Variants in UBAC2 observed in about 807,000 individuals in gnomAD.
The protein encoded by UBAC2 is ubiquitin-associated domain-containing protein 2.
UBAC2 carries 26 observed loss-of-function variants against 44.0 expected under a neutral mutation model. The observed-to-expected ratio is 0.59, with a 90% CI of 0.43 to 0.82. The LOEUF (loss-of-function observed/expected upper bound fraction) is 0.82. Ranked by LOEUF, UBAC2 falls within the 40% of genes least tolerant of loss-of-function variation. The pLI, the probability that UBAC2 is intolerant of heterozygous loss-of-function variation, is 0.00. For missense variants in UBAC2, 329 were observed against 419.4 expected (o/e 0.78, Z 1.88); for synonymous variants, 155 against 154.3 (o/e 1.00, Z -0.04).
At chr13:99,370,029 GA>G (rs34326221) in intron 8 of UBAC2, among the ~76,000 whole-genome samples, 19,816 of 152,238 alleles carry the variant, frequency 0.13, 1,666 homozygotes, top group Non-Finnish European at 0.19. Context: ...TTGTACTGGA[GA>G]AAAAATGTCT....
At chr13:99,331,747 G>A (rs762629726) in intron 6 of UBAC2, among the ~76,000 whole-genome samples, 2 of 152,178 alleles carry the variant, frequency 1.3e-5, no homozygotes, top group Non-Finnish European at 2.9e-5. Context: ...CATTCTTGGG[G>A]TAATAAATTA....
intron 8 of UBAC2, among the ~76,000 whole-genome samples, chr13:99,375,951 A>T (rs953041291): frequency 6.7e-6 from 1 of 148,806 alleles, no homozygotes; most frequent in Non-Finnish European, 1.5e-5. Context: ...CTACAGGCAC[A>T]TGCCACCAAG....
chr13:99,216,884 G>A (rs910438424), intron 1 of UBAC2, among the ~76,000 whole-genome samples: 1 of 150,354 alleles, frequency 6.7e-6, no homozygotes, highest in Admixed American at 6.6e-5. Flanking sequence ...AGGCTGGAGT[G>A]CAGTGGTGCG....
intron 4 of UBAC2, among the ~76,000 whole-genome samples, chr13:99,308,993 C>A (rs1012053011): frequency 1.3e-5 from 2 of 152,112 alleles, no homozygotes; most frequent in Non-Finnish European, 2.9e-5. Context: ...TGTTGAAAGA[C>A]CATTCTGGTG....
chr13:99,315,921 G>A (rs916524398), intron 5 of UBAC2, among the ~76,000 whole-genome samples: 2 of 151,502 alleles, frequency 1.3e-5, no homozygotes, highest in Non-Finnish European at 2.9e-5. Flanking sequence ...GTAGTAGGTT[G>A]GTGCAAAAGT....
intron 4 of UBAC2, among the ~76,000 whole-genome samples, chr13:99,290,608 C>T (rs111681873): frequency 2.0e-3 from 309 of 151,754 alleles, no homozygotes; most frequent in African/African-American, 7.2e-3. Context: ...ACCTGTAATC[C>T]CAGCTGCTCA....
rs553265767 is a variant in UBAC2 at position 99,271,241 on chromosome 13, G to A, written c.389+26617G>A. 1.0e-3 allele frequency among the ~76,000 whole-genome samples: 159 copies of A among 152,190 alleles called. 1 individual carries two copies. The highest frequency in any genetic ancestry group is 2.0e-3 in the Non-Finnish European group (136 of 68,032). On this transcript the variant is annotated intron_variant, in intron 4 of 8. Coordinates refer to ENST00000403766, the MANE Select transcript of UBAC2 (RefSeq NM_001144072.2). ...ATGCCAGGGTGTGAGTGGGATTGCA[G>A]TTTTAATAATTCTAGTAAGGAAAAG...
intron 6 of UBAC2, among the ~76,000 whole-genome samples, chr13:99,327,484 C>CTCTG (rs1566504531): frequency 1.3e-5 from 2 of 150,808 alleles, no homozygotes; most frequent in African/African-American, 4.9e-5. Flanking sequence ...CTCTCTCTCT[C>CTCTG]TGTGTGTGTG....
At chr13:99,334,871 G>T (rs114360200) in intron 6 of UBAC2, among the ~76,000 whole-genome samples, 137 of 152,060 alleles carry the variant, frequency 9.0e-4, no homozygotes, top group African/African-American at 3.1e-3. Context: ...TTGCTATATG[G>T]TATCTACAAG....
At position 99,340,381 on chromosome 13, in the gene UBAC2, G is replaced by T; in HGVS notation, c.623G>T (p.Ser208Ile). The part of the protein sequence containing the change: ...FQVHQVLCIP[S>I]WMAKFFSWTL... ...GTGCATCAGGTGCTCTGCATCCCCAGCTGGATGGCAAAATTCTTTTCTTGG... is the reference window on the plus strand; with the variant it reads ...GTGCATCAGGTGCTCTGCATCCCCATCTGGATGGCAAAATTCTTTTCTTGG... The change falls in exon 7 of 9, where the codon AGC becomes ATC. Residue 208 changes from serine (S) to isoleucine (I), a missense_variant. Physicochemically the swap from Ser to Ile is moderately radical, Grantham distance 142 (BLOSUM62 -2). Transcript: ENST00000403766. 1 of 1,614,196 alleles carries T rather than the reference G, an allele frequency of 6.2e-7. No individual in the cohort carries two copies. Among genetic ancestry groups the T allele is most frequent in the Non-Finnish European group, 8.5e-7 (1 of 1,180,032 alleles).
intron 6 of UBAC2, among the ~76,000 whole-genome samples, chr13:99,330,458 CAAAAAAAA>C (rs59409181): frequency 4.3e-5 from 2 of 46,026 alleles, no homozygotes; most frequent in African/African-American, 1.5e-4. Context: ...GACGTCATCT[CAAAAAAAA>C]AAAAAAAAAA....
At chr13:99,287,922 T>C (rs1214651473) in intron 4 of UBAC2, among the ~76,000 whole-genome samples, 1 of 152,148 alleles carries the variant, frequency 6.6e-6, no homozygotes, top group Non-Finnish European at 1.5e-5. Flanking sequence ...CTTGAACATA[T>C]AATATATGAT....
chr13:99,295,503 A>C lies in UBAC2; in HGVS notation c.390-18594A>C. 6.2e-7 allele frequency: 1 copy of C among 1,614,056 alleles called. No homozygotes were observed. The highest frequency in any genetic ancestry group is 8.5e-7 in the Non-Finnish European group (1 of 1,180,016). On this transcript the variant is annotated intron_variant, in intron 4 of 8. Transcript: ENST00000403766. The surrounding 1 kb of genome is among the most constrained non-coding windows in gnomAD (Gnocchi z 4.1). ...AGTTTGCAGCAGATCTGAGAATAGCAGATGAGAATGATTATAAGTGGAAGT... is the reference window on the plus strand; with the variant it reads ...AGTTTGCAGCAGATCTGAGAATAGCCGATGAGAATGATTATAAGTGGAAGT...
intron 4 of UBAC2, among the ~76,000 whole-genome samples, chr13:99,250,389 TG>T (rs1436160958): frequency 1.6e-4 from 25 of 152,358 alleles, no homozygotes; most frequent in Middle Eastern, 3.4e-3. Context: ...GCTTTATTTC[TG>T]GGTTCTCTAT....
intron 7 of UBAC2, among the ~76,000 whole-genome samples, chr13:99,361,200 A>G (rs1015205402): frequency 2.5e-4 from 38 of 152,326 alleles, no homozygotes; most frequent in African/African-American, 9.1e-4. Context: ...TCTTCTTACA[A>G]ACTAATAATA....
At chr13:99,235,631 C>CA (rs1354927919) in intron 1 of UBAC2, among the ~76,000 whole-genome samples, 1 of 152,028 alleles carries the variant, frequency 6.6e-6, no homozygotes. Context: ...CATTTGCAGC[C>CA]AAAAAAGGTG....
At position 99,385,495 on chromosome 13, in the gene UBAC2, G is replaced by C; in HGVS notation, c.*160G>C. ...TGCCCTCAACCGCAAGACTGTTGCCGTTTTAGTGTGGAGATAAGTTTGCCA... is the reference window on the plus strand; with the variant it reads ...TGCCCTCAACCGCAAGACTGTTGCCCTTTTAGTGTGGAGATAAGTTTGCCA... On this transcript the variant is annotated 3_prime_UTR_variant, in exon 9 of 9. Transcript: ENST00000403766. The C allele has an allele frequency of 3.4e-6, 2 of 581,042 alleles. No homozygotes were observed. The highest frequency in any genetic ancestry group is 6.2e-6 in the Non-Finnish European group (2 of 324,926). The allele number at this position is 581,042 out of a possible 1,614,324, so 36.0% of individuals were successfully genotyped here. A position where few individuals can be genotyped will look rare whatever the true frequency, so the allele number is the denominator to read the frequency against.
At chr13:99,316,554 T>C (rs2044493761) in intron 5 of UBAC2, among the ~76,000 whole-genome samples, 1 of 152,150 alleles carries the variant, frequency 6.6e-6, no homozygotes, top group African/African-American at 2.4e-5. Flanking sequence ...CGTTGTGGGC[T>C]CTCAAGCCAT....
intron 1 of UBAC2, among the ~76,000 whole-genome samples, chr13:99,235,335 T>C (rs2043221196): frequency 6.6e-6 from 1 of 152,190 alleles, no homozygotes; most frequent in Admixed American, 6.5e-5. Flanking sequence ...AGAATCAGTA[T>C]TGTTAAAATG....
Sources: gnomAD v4.1 joint callset for allele counts (sites outside exome capture counted in the v4.1 genomes callset) on GRCh38, gnomAD v4.1.1 for gene constraint, Gnocchi (gnomAD v3.1) non-coding constraint, MANE v1.5 for transcripts, NCBI Gene and HGNC (gene_info 2026-07-23, HGNC 2026-07-21) for gene names.